The following VWA8 variants were observed in gnomAD, a reference collection of about 807,000 sequenced individuals.
VWA8 encodes von Willebrand factor A domain-containing protein 8.
Under a neutral mutation model 241.5 loss-of-function variants are expected in VWA8, and 221 were observed. That is an observed-to-expected ratio of 0.91 (90% CI 0.82 to 1.02). VWA8 has a LOEUF of 1.02. VWA8 is among the 50% of genes least tolerant of loss of function. The pLI, the probability that VWA8 is intolerant of heterozygous loss-of-function variation, is 0.00. For missense variants in VWA8, 2,322 were observed against 2,328.7 expected, an observed-to-expected ratio of 1.00 and a Z score of 0.06; for synonymous variants, 852 against 827.1, an observed-to-expected ratio of 1.03 and a Z score of -0.52.
chr13:41,873,307 G>A (rs538427058), intron 9 of VWA8, among the ~76,000 whole-genome samples: 140 of 152,208 alleles, frequency 9.2e-4, no homozygotes, highest in South Asian at 1.5e-3. Flanking sequence ...TCAAAAGCTA[G>A]CAGAAGGCAA....
rs141506630 is a variant in VWA8, at chr13:41,936,290, T to C, written c.241+13646A>G. On this transcript the variant is annotated intron_variant, in intron 2 of 44. Coordinates refer to ENST00000379310, the MANE Select transcript of VWA8 (RefSeq NM_015058.2). ...CATCTCTCTAGCTATTAAGCAGGGT[T>C]AGAACACACGTTCACATGTTTATTG... Among the ~76,000 whole-genome samples, 17 of 152,304 alleles carry C rather than the reference T, an allele frequency of 1.1e-4. No individual in the cohort carries two copies. The East Asian group carries it at 2.9e-3, about 26-fold the overall frequency.
intron 14 of VWA8, among the ~76,000 whole-genome samples, chr13:41,827,412 T>C (rs1335495932): frequency 6.6e-6 from 1 of 152,176 alleles, no homozygotes; most frequent in Non-Finnish European, 1.5e-5. Context: ...GAAAGTATAC[T>C]GTTTAGTGAC....
chr13:41,807,184 T>C (rs1182280582), intron 17 of VWA8, among the ~76,000 whole-genome samples: 3 of 152,128 alleles, frequency 2.0e-5, no homozygotes, highest in South Asian at 2.1e-4. Context: ...GTAACGAGAT[T>C]GACACCATAA....
chr13:41,901,375 A>G (rs1257116415), intron 4 of VWA8, among the ~76,000 whole-genome samples: 1 of 152,210 alleles, frequency 6.6e-6, no homozygotes, highest in Admixed American at 6.5e-5. Context: ...GCTATTTATC[A>G]GTTGTACAAC....
At chr13:41,695,231 T>G (rs2045208874) in intron 29 of VWA8, among the ~76,000 whole-genome samples, 1 of 152,132 alleles carries the variant, frequency 6.6e-6, no homozygotes, top group South Asian at 2.1e-4. Context: ...TTTGTACAGA[T>G]GTAATAAATA....
At chr13:41,607,988 A>G (rs902769577) in intron 39 of VWA8, among the ~76,000 whole-genome samples, 3 of 152,038 alleles carry the variant, frequency 2.0e-5, no homozygotes, top group Non-Finnish European at 4.4e-5. Flanking sequence ...CACACATGCA[A>G]TGTTGGAGGT....
chr13:41,836,673 A>C (rs899031686), intron 12 of VWA8, among the ~76,000 whole-genome samples: 1 of 152,152 alleles, frequency 6.6e-6, no homozygotes, highest in Non-Finnish European at 1.5e-5. Context: ...TACTTACCTT[A>C]TTCAAGTAAG....
intron 35 of VWA8, 92 bp downstream of exon 35, chr13:41,684,955 T>G (rs1404795446): frequency 2.6e-6 from 3 of 1,133,174 alleles, no homozygotes; most frequent in African/African-American, 1.6e-5. Context: ...TTTATAAGTA[T>G]GAAATGATAA....
At chr13:41,618,616 T>TCC (rs2044636791) in intron 37 of VWA8, among the ~76,000 whole-genome samples, 1 of 152,218 alleles carries the variant, frequency 6.6e-6, no homozygotes, top group Non-Finnish European at 1.5e-5. Context: ...AGGTCTAACA[T>TCC]TTAAGTCTTT....
chr13:41,767,194 C>T (rs1010742513), intron 20 of VWA8, among the ~76,000 whole-genome samples: 10 of 152,128 alleles, frequency 6.6e-5, no homozygotes, highest in Admixed American at 6.5e-4. Context: ...AAACTCCCCA[C>T]ATTAATGTCA....
At position 41,645,476 on chromosome 13, in the gene VWA8, T is replaced by G. The variant is rs533255076; in HGVS notation, c.4611+25470A>C. 2.6e-5 allele frequency among the ~76,000 whole-genome samples: 4 copies of G among 152,350 alleles called. No individual in the cohort carries two copies. The South Asian group carries it at 8.3e-4, about 32-fold the overall frequency. On this transcript the variant is annotated intron_variant, in intron 37 of 44. Coordinates refer to ENST00000379310, the MANE Select transcript of VWA8 (RefSeq NM_015058.2). ...GGAAGTTCAGTTTTGCTACAAATAT[T>G]ACAAATACCAAACTGATGTTTCCTA...
At chr13:41,697,519 G>A (rs1296029985) in intron 29 of VWA8, among the ~76,000 whole-genome samples, 1 of 152,150 alleles carries the variant, frequency 6.6e-6, no homozygotes, top group African/African-American at 2.4e-5. Flanking sequence ...GGGAGGTGGG[G>A]TGGGGGCTGT....
intron 41 of VWA8, among the ~76,000 whole-genome samples, 178 bp from the exon 42 acceptor site, chr13:41,587,848 A>G (rs2044429491): frequency 1.3e-5 from 2 of 152,262 alleles, no homozygotes; most frequent in East Asian, 1.9e-4. Flanking sequence ...GTTGTACTGC[A>G]GTAAACAGAA....
At chr13:41,698,606 A>C (rs11620598) in intron 29 of VWA8, among the ~76,000 whole-genome samples, 26,453 of 152,098 alleles carry the variant, frequency 0.17, 2,450 homozygotes, top group Non-Finnish European at 0.22. Context: ...GTCTCAGATA[A>C]AATGTCGTCT....
rs540612616 is a variant in VWA8 at position 41,771,035 on chromosome 13, AT to A, written c.2349+6949del. ...TTAACTTTTGATGACTTACTTTGAA[AT>A]TTTGTCTAATATCAGAAACCAAGTG... On this transcript the variant is annotated intron_variant, in intron 20 of 44. Coordinates refer to ENST00000379310, the MANE Select transcript of VWA8 (RefSeq NM_015058.2). 4.2e-3 allele frequency among the ~76,000 whole-genome samples: 647 copies of A among 152,268 alleles called. 4 individuals are homozygous for A. The highest frequency in any genetic ancestry group is 0.024 in the Middle Eastern group (7 of 292).
At chr13:41,720,858 T>C (rs919875572) in intron 25 of VWA8, among the ~76,000 whole-genome samples, 6 of 152,174 alleles carry the variant, frequency 3.9e-5, no homozygotes, top group Non-Finnish European at 7.3e-5. Flanking sequence ...TTGTTTTCTT[T>C]ACTAAGGTGG....
chr13:41,866,317 G>A (rs1368143059), intron 10 of VWA8, among the ~76,000 whole-genome samples: 3 of 150,950 alleles, frequency 2.0e-5, no homozygotes. Context: ...CCACTGCACT[G>A]CAGCCTGGGC....
chr13:41,943,097 A>T (rs972439266), intron 2 of VWA8, among the ~76,000 whole-genome samples: 1 of 152,248 alleles, frequency 6.6e-6, no homozygotes, highest in African/African-American at 2.4e-5. Context: ...AAATAAAAAT[A>T]AATAAAAATT....
chr13:41,897,658 C>T (rs1354799346), intron 4 of VWA8, among the ~76,000 whole-genome samples: 2 of 152,020 alleles, frequency 1.3e-5, no homozygotes, highest in Non-Finnish European at 2.9e-5. Flanking sequence ...CTTAAGGCTG[C>T]GCGTCTGGAG....
Sources: allele counts gnomAD v4.1 joint callset (sites outside exome capture counted in the v4.1 genomes callset), GRCh38; gene constraint gnomAD v4.1.1; transcripts MANE v1.5; gene names NCBI Gene and HGNC (gene_info 2026-07-23, HGNC 2026-07-21).